VAPB: variants seen among roughly 807,000 people sequenced by gnomAD.
VAPB encodes the protein vesicle-associated membrane protein-associated protein B/C.
A neutral mutation model predicts 25.6 loss-of-function variants in VAPB; 7 were observed. The ratio of observed to expected loss-of-function variants is 0.27; its 90% CI spans 0.16 to 0.51. The LOEUF (loss-of-function observed/expected upper bound fraction) is 0.51, where lower values mean the gene tolerates loss of function less well. Among genes scored for constraint, VAPB ranks in the 20% least tolerant of loss-of-function variants. The probability of loss-of-function intolerance (pLI) is 0.97; values close to 1 mark genes in which losing one functional copy is unlikely to be tolerated. For missense variants in VAPB, 266 were observed against 301.3 expected (o/e 0.88, Z 0.87); for synonymous variants, 112 against 109.2 (o/e 1.03, Z -0.16).
At chr20:58,436,555 G>A (rs1378792988) in intron 3 of VAPB, among the ~76,000 whole-genome samples, 1 of 151,880 alleles carries the variant, frequency 6.6e-6, no homozygotes, top group Non-Finnish European at 1.5e-5. Flanking sequence ...TCAAACTCCT[G>A]GACTCAAGCG....
intron 1 of VAPB, among the ~76,000 whole-genome samples, chr20:58,412,971 C>G (rs1988417616): frequency 1.3e-5 from 2 of 152,122 alleles, no homozygotes; most frequent in South Asian, 4.1e-4. Flanking sequence ...ATTTTCAACA[C>G]CTGGAACCTG....
chr20:58,402,869 G>T (rs1988132838), intron 1 of VAPB, among the ~76,000 whole-genome samples: 1 of 152,164 alleles, frequency 6.6e-6, no homozygotes, highest in Admixed American at 6.5e-5. Flanking sequence ...ACCTGGTGTG[G>T]TGGTGCATGC....
chr20:58,407,461 A>G (rs1041802815), intron 1 of VAPB, among the ~76,000 whole-genome samples: 1 of 152,250 alleles, frequency 6.6e-6, no homozygotes, highest in Admixed American at 6.5e-5. Context: ...AACTACAGGT[A>G]GCTTTCTGTA....
At chr20:58,404,220 G>A (rs766588000) in intron 1 of VAPB, among the ~76,000 whole-genome samples, 19 of 152,128 alleles carry the variant, frequency 1.2e-4, no homozygotes, top group Middle Eastern at 3.2e-3. Flanking sequence ...TTACGGATAG[G>A]TTCGTGGCCC....
chr20:58,450,004 G>A lies in VAPB; in HGVS notation c.*5769G>A, dbSNP rs150490845. 41 of 454,008 alleles carry A rather than the reference G, an allele frequency of 9.0e-5. No homozygotes were observed. The highest frequency in any genetic ancestry group is 7.8e-4 in the African/African-American group (39 of 50,074). The allele number at this position is 454,008 out of a possible 1,614,324, so 28.1% of individuals were successfully genotyped here. On this transcript the variant is annotated 3_prime_UTR_variant, in exon 6 of 6. Transcript: ENST00000475243. ...GATATCTTAACACAATTTCATCCAG[G>A]CTTAGTGCTAACAAGATTGCGGGGC...
chr20:58,412,732 A>G (rs1207092970), intron 1 of VAPB, among the ~76,000 whole-genome samples: 1 of 152,174 alleles, frequency 6.6e-6, no homozygotes, highest in Non-Finnish European at 1.5e-5. Flanking sequence ...ATTACTTTTT[A>G]TAATTTGATG....
intron 5 of VAPB, 101 bp from the exon 6 acceptor site, chr20:58,443,976 A>G (rs1989217606): frequency 1.3e-6 from 2 of 1,559,512 alleles, no homozygotes; most frequent in Non-Finnish European, 8.8e-7. Context: ...ATATCATGTC[A>G]TCCAACACTG....
At chr20:58,406,588 G>C (rs1988234618) in intron 1 of VAPB, among the ~76,000 whole-genome samples, 1 of 152,288 alleles carries the variant, frequency 6.6e-6, no homozygotes, top group Non-Finnish European at 1.5e-5. Flanking sequence ...TGCTAAACTT[G>C]TTCTTCTCCC....
chr20:58,404,700 C>T (rs569140529), intron 1 of VAPB, among the ~76,000 whole-genome samples: 39 of 152,238 alleles, frequency 2.6e-4, no homozygotes, highest in African/African-American at 9.4e-4. Context: ...TAGATTGGTA[C>T]TGTTAAATAT....
chr20:58,449,842 G>A lies in VAPB; in HGVS notation c.*5607G>A, dbSNP rs1342924807. ...CTGCTTGCATTCTGATGAGCTGCAG[G>A]AGTGCGCCTGGCCTTCTGCAGGTGG... On this transcript the variant is annotated 3_prime_UTR_variant, in exon 6 of 6. Coordinates refer to ENST00000475243, the MANE Select transcript of VAPB (RefSeq NM_004738.5). 8.8e-6 allele frequency: 4 copies of A among 454,130 alleles called. No homozygotes were observed. The highest frequency in any genetic ancestry group is 6.2e-5 in the South Asian group (4 of 64,478). The allele number at this position is 454,130 out of a possible 1,614,324, so 28.1% of individuals were successfully genotyped here.
At chr20:58,426,015 C>T (rs142478359) in intron 2 of VAPB, among the ~76,000 whole-genome samples, 16,488 of 152,212 alleles carry the variant, frequency 0.11, 1,004 homozygotes, top group Middle Eastern at 0.17. Flanking sequence ...GCCTCAGCTT[C>T]CCCAGTAGCT....
At chr20:58,443,393 T>G in intron 5 of VAPB, among the ~76,000 whole-genome samples, 1 of 139,346 alleles carries the variant, frequency 7.2e-6, no homozygotes, top group South Asian at 2.2e-4. Context: ...ATGTCCCACT[T>G]TTAGGTTTTT....
chr20:58,444,224 A>G lies in VAPB; in HGVS notation c.721A>G (p.Ile241Val). The G allele has an allele frequency of 6.2e-7, 1 of 1,614,206 alleles. No individual in the cohort carries two copies. The highest frequency in any genetic ancestry group is 8.5e-7 in the Non-Finnish European group (1 of 1,180,042). Residue 241 changes from isoleucine (I) to valine (V), a missense_variant, in exon 6 of 6, where the codon ATT becomes GTT. Transcript: ENST00000475243. ...FFIVGVIIGKIAL is the reference protein window; with the variant it reads ...FFIVGVIIGKVAL Reference sequence around the variant, plus strand: ...TATCGTTGGTGTAATTATTGGGAAGATTGCCTTGTAGAGGTAGCATGCACA... The same window carrying G: ...TATCGTTGGTGTAATTATTGGGAAGGTTGCCTTGTAGAGGTAGCATGCACA...
intron 2 of VAPB, among the ~76,000 whole-genome samples, chr20:58,427,806 C>T (rs559035114): frequency 2.0e-3 from 291 of 149,074 alleles, no homozygotes; most frequent in African/African-American, 6.9e-3. Context: ...ATGATGCAGG[C>T]GAAAGTGATC....
chr20:58,404,143 T>C lies in VAPB; in HGVS notation c.59-14068T>C, dbSNP rs370054151. ...CTATACTTTATACAGTTTCCAGAGA[T>C]ATTTTTCTAAAAATTGAAATTTGAT... On this transcript the variant is annotated intron_variant, in intron 1 of 5. Coordinates refer to ENST00000475243, the MANE Select transcript of VAPB (RefSeq NM_004738.5). 3.3e-5 allele frequency among the ~76,000 whole-genome samples: 5 copies of C among 152,228 alleles called. No individual in the cohort carries two copies. The East Asian group carries it at 5.8e-4, about 18-fold the overall frequency.
chr20:58,410,660 G>GCC (rs71181966), intron 1 of VAPB, among the ~76,000 whole-genome samples: 17 of 151,692 alleles, frequency 1.1e-4, no homozygotes, highest in South Asian at 2.1e-4. Context: ...CAAGTGATCC[G>GCC]CCCCCCCGCC....
At chr20:58,403,363 C>T (rs954853425) in intron 1 of VAPB, among the ~76,000 whole-genome samples, 1 of 152,218 alleles carries the variant, frequency 6.6e-6, no homozygotes, top group African/African-American at 2.4e-5. Context: ...TGCCTACAAA[C>T]ATGCTTAAGT....
At chr20:58,424,011 T>C (rs979835337) in intron 2 of VAPB, among the ~76,000 whole-genome samples, 1 of 152,344 alleles carries the variant, frequency 6.6e-6, no homozygotes, top group Non-Finnish European at 1.5e-5. Context: ...ATTGTTACTT[T>C]TTTTGTGACT....
intron 1 of VAPB, among the ~76,000 whole-genome samples, chr20:58,406,770 A>T (rs938006614): frequency 2.0e-5 from 3 of 152,194 alleles, no homozygotes; most frequent in African/African-American, 7.2e-5. Context: ...TTGGGACCCC[A>T]TGCTATTTTA....
Sources: gnomAD v4.1 joint callset for allele counts (sites outside exome capture counted in the v4.1 genomes callset) on GRCh38, gnomAD v4.1.1 for gene constraint, MANE v1.5 for transcripts, NCBI Gene and HGNC (gene_info 2026-07-23, HGNC 2026-07-21) for gene names.